COL6A3: variants seen among roughly 807,000 people sequenced by gnomAD.
COL6A3 encodes the protein collagen alpha-3(VI) chain.
In COL6A3, 137 loss-of-function variants were observed where a neutral mutation model predicts 274.1. The ratio of observed to expected loss-of-function variants is 0.50; its 90% CI spans 0.44 to 0.58. The LOEUF (loss-of-function observed/expected upper bound fraction) is 0.58, where lower values mean the gene tolerates loss of function less well. Ranked by LOEUF, COL6A3 falls within the 20% of genes least tolerant of loss-of-function variation. The pLI is 0.00. For missense variants in COL6A3, 3,950 were observed against 4,124.9 expected, an observed-to-expected ratio of 0.96 and a Z score of 1.16; for synonymous variants, 1,650 against 1,650.6, an observed-to-expected ratio of 1.00 and a Z score of 0.01.
At chr2:237,333,242 A>C in intron 42 of COL6A3, 2 of 611,240 alleles carry the variant, frequency 3.3e-6, no homozygotes, top group South Asian at 3.8e-5. Context: ...TCAAATTTTC[A>C]CTGAGTCTGA....
rs753189030 is a variant in COL6A3, at chr2:237,395,133, A to C, written c.163T>G (p.Phe55Val). ...TATAGAAACTCTCGAACAAGTTGGA[A>C]ATGTTCCTCTCCAATGGTCCAAGAG... ...DSSWTIGEEHFQLVREFLYDV... is the reference protein window; with the variant it reads ...DSSWTIGEEHVQLVREFLYDV... Residue 55 changes from phenylalanine (F) to valine (V), a missense_variant, in exon 3 of 44, where the codon TTC (phenylalanine) becomes GTC (valine). By Grantham distance (50) the Phe-to-Val change is conservative (BLOSUM62 -1). Transcript: ENST00000295550. The C allele has an allele frequency of 1.9e-6, 3 of 1,614,002 alleles. No homozygotes were observed. The highest frequency in any genetic ancestry group is 2.7e-5 in the African/African-American group (2 of 75,042).
intron 4 of COL6A3, among the ~76,000 whole-genome samples, chr2:237,384,574 T>G (rs1487332964): frequency 3.9e-5 from 6 of 152,054 alleles, no homozygotes; most frequent in Middle Eastern, 3.2e-3. Flanking sequence ...CATGCCACGC[T>G]CGGAACTCCA....
intron 41 of COL6A3, among the ~76,000 whole-genome samples, 170 bp from the exon 42 acceptor site, chr2:237,333,718 G>A (rs187034133): frequency 3.3e-5 from 5 of 152,294 alleles, no homozygotes; most frequent in Admixed American, 2.0e-4. Context: ...TATGCTGTGG[G>A]CTACAAGTTG....
At chr2:237,394,532 A>G in intron 3 of COL6A3, 55 bp downstream of exon 3, 2 of 1,611,902 alleles carry the variant, frequency 1.2e-6, no homozygotes, top group Non-Finnish European at 1.7e-6. Context: ...GCAGTTGCCA[A>G]GCTCATCTCC....
intron 13 of COL6A3, among the ~76,000 whole-genome samples, chr2:237,363,957 G>T (rs1007082805): frequency 6.6e-6 from 1 of 152,152 alleles, no homozygotes; most frequent in Non-Finnish European, 1.5e-5. Flanking sequence ...TATTATTTGG[G>T]TGTAGTGTTA....
chr2:237,393,400 T>C (rs773877870), intron 3 of COL6A3, among the ~76,000 whole-genome samples: 18 of 152,166 alleles, frequency 1.2e-4, no homozygotes, highest in Non-Finnish European at 2.4e-4. Context: ...CCCCACTGCT[T>C]CCCTCCTTTA....
intron 27 of COL6A3, 27 bp downstream of exon 27, chr2:237,351,103 G>A (rs1176393951): frequency 2.5e-6 from 4 of 1,612,722 alleles, no homozygotes; most frequent in Non-Finnish European, 2.5e-6. Context: ...CTGTCCTCAG[G>A]AAAGCTCTAC....
intron 36 of COL6A3, 63 bp from the exon 37 acceptor site, chr2:237,342,224 G>T: frequency 7.9e-7 from 1 of 1,263,078 alleles, no homozygotes; most frequent in Non-Finnish European, 1.2e-6. Context: ...CTGAAAATAT[G>T]GCAGAGGAGT....
Position 237,344,866 on chromosome 2 carries a change from G to A in COL6A3, c.7175-23C>T, listed in dbSNP as rs767917563. 1.9e-6 allele frequency: 3 copies of A among 1,613,634 alleles called. No homozygotes were observed. The highest frequency in any genetic ancestry group is 2.7e-5 in the African/African-American group (2 of 74,916). ...GCCCTGTGGAAAGTAGAGGGTGGAGGGTTAAAGACAAACTGTACTTACTAC... is the reference window on the plus strand; with the variant it reads ...GCCCTGTGGAAAGTAGAGGGTGGAGAGTTAAAGACAAACTGTACTTACTAC... On this transcript the variant is annotated intron_variant, in intron 35 of 43. Transcript: ENST00000295550. This position sits in a 1 kb window ranked among gnomAD's most constrained non-coding sequence, Gnocchi z 4.8.
At chr2:237,325,462 T>A (rs1381960788) in intron 43 of COL6A3, 98 bp downstream of exon 43, 7 of 1,280,438 alleles carry the variant, frequency 5.5e-6, no homozygotes, top group Non-Finnish European at 8.0e-6. Context: ...CTTTTTCACA[T>A]GTATCATAAT....
At chr2:237,327,423 G>A (rs1315268842) in intron 42 of COL6A3, 2 of 152,444 alleles carry the variant, frequency 1.3e-5, no homozygotes, top group Non-Finnish European at 2.9e-5. Context: ...CAGCCCATGA[G>A]TGGCCTCACA....
chr2:237,409,727 G>A lies in COL6A3; in HGVS notation c.-31+4226C>T, dbSNP rs188773410. ...TTTTAAAAGTATGTTAAAACCCATT[G>A]TCCATTATTAGGGGAAAGTATCAAA... On this transcript the variant is annotated intron_variant, in intron 1 of 43. Coordinates refer to ENST00000295550, the MANE Select transcript of COL6A3 (RefSeq NM_004369.4). 4.6e-3 allele frequency among the ~76,000 whole-genome samples: 695 copies of A among 152,250 alleles called. 4 individuals are homozygous for A. The highest frequency in any genetic ancestry group is 0.01 in the South Asian group (50 of 4,826).
At chr2:237,366,174 G>A in intron 11 of COL6A3, 139 bp from the exon 12 acceptor site, 1 of 742,176 alleles carries the variant, frequency 1.3e-6, no homozygotes, top group Non-Finnish European at 2.4e-6. Flanking sequence ...GTGTGTGTGA[G>A]CTTTGAGAAG....
intron 1 of COL6A3, among the ~76,000 whole-genome samples, chr2:237,411,535 C>T (rs536725428): frequency 6.6e-6 from 1 of 152,260 alleles, no homozygotes; most frequent in East Asian, 1.9e-4. Flanking sequence ...CTATGGGTTC[C>T]GTTCCTGAAA....
intron 12 of COL6A3, among the ~76,000 whole-genome samples, chr2:237,365,083 C>G (rs1020633660): frequency 2.0e-5 from 3 of 148,000 alleles, no homozygotes; most frequent in Non-Finnish European, 4.5e-5. Context: ...TTAGAGTGAA[C>G]CTTAATCTAG....
chr2:237,376,719 A>C (rs2077849734), intron 7 of COL6A3, 53 bp downstream of exon 7: 7 of 1,578,248 alleles, frequency 4.4e-6, no homozygotes, highest in Non-Finnish European at 5.2e-6. Context: ...CCTACCCTCA[A>C]CTCATGCATT....
chr2:237,341,653 A>T (rs1481182498), intron 37 of COL6A3, among the ~76,000 whole-genome samples: 2 of 151,874 alleles, frequency 1.3e-5, no homozygotes, highest in African/African-American at 2.4e-5. Context: ...TACTTAGTAG[A>T]TGAAACAAAT....
intron 12 of COL6A3, 96 bp downstream of exon 12, chr2:237,365,602 C>T (rs2077531888): frequency 9.3e-7 from 1 of 1,069,784 alleles, no homozygotes; most frequent in Non-Finnish European, 1.5e-6. Flanking sequence ...TCCAGTGAAA[C>T]ATGAAGAGGA....
At position 237,407,535 on chromosome 2, in the gene COL6A3, G is replaced by A. The variant is rs960892665; in HGVS notation, c.-31+6418C>T. Among the ~76,000 whole-genome samples the A allele has an allele frequency of 5.3e-5, 8 of 152,244 alleles. No individual in the cohort carries two copies. The highest frequency in any genetic ancestry group is 1.3e-4 in the Admixed American group (2 of 15,282). On this transcript the variant is annotated intron_variant, in intron 1 of 43. Coordinates refer to ENST00000295550, the MANE Select transcript of COL6A3 (RefSeq NM_004369.4). The surrounding 1 kb of genome is among the most constrained non-coding windows in gnomAD (Gnocchi z 4.3). Reference sequence around the variant, plus strand: ...CCTCCCTCTGTGAATGAGAGCACCTGTAAGAATATGCCGACCTGCAGCCAG... The same window carrying A: ...CCTCCCTCTGTGAATGAGAGCACCTATAAGAATATGCCGACCTGCAGCCAG...
Sources: gnomAD v4.1 joint callset for allele counts (sites outside exome capture counted in the v4.1 genomes callset) on GRCh38, gnomAD v4.1.1 for gene constraint, Gnocchi (gnomAD v3.1) non-coding constraint, MANE v1.5 for transcripts, NCBI Gene and HGNC (gene_info 2026-07-23, HGNC 2026-07-21) for gene names.